Variants in TANGO2 observed in about 807,000 individuals in gnomAD.
The protein encoded by TANGO2 is transport and golgi organization 2 homolog.
A neutral mutation model predicts 39.1 loss-of-function variants in TANGO2; 26 were observed. The observed-to-expected ratio is 0.67, with a 90% confidence interval of 0.49 to 0.92. The LOEUF (loss-of-function observed/expected upper bound fraction) is 0.92. Among genes scored for constraint, TANGO2 ranks in the 40% least tolerant of loss-of-function variants. The pLI, the probability that TANGO2 is intolerant of heterozygous loss-of-function variation, is 0.00. For missense variants in TANGO2, 326 were observed against 360.1 expected, an observed-to-expected ratio of 0.91 and a Z score of 0.77; for synonymous variants, 131 against 144.5, an observed-to-expected ratio of 0.91 and a Z score of 0.67.
chr22:20,025,891 A>C (rs1418163093), intron 1 of TANGO2, among the ~76,000 whole-genome samples: 1 of 152,176 alleles, frequency 6.6e-6, no homozygotes, highest in Non-Finnish European at 1.5e-5. Flanking sequence ...GACACCTGAG[A>C]ATGCATTGAA....
chr22:20,044,238 G>A (rs549238182), intron 3 of TANGO2, among the ~76,000 whole-genome samples: 45 of 152,328 alleles, frequency 3.0e-4, no homozygotes, highest in African/African-American at 9.4e-4. Context: ...CTCCCAGGCC[G>A]GGAGGGCAGG....
chr22:20,061,845 A>G, intron 7 of TANGO2, 162 bp downstream of exon 7: 1 of 926,962 alleles, frequency 1.1e-6, no homozygotes, highest in East Asian at 2.8e-5. Flanking sequence ...TGTCCCCTTG[A>G]GCCAGCTGAG....
chr22:20,021,072 A>C (rs2146594886), upstream of TANGO2: 1 of 152,544 alleles, frequency 6.6e-6, no homozygotes, highest in East Asian at 1.9e-4. Flanking sequence ...GCTGGGCGGT[A>C]CTGGGCTGGC....
At chr22:20,025,424 G>A (rs2040544456) in intron 1 of TANGO2, among the ~76,000 whole-genome samples, 2 of 151,914 alleles carry the variant, frequency 1.3e-5, no homozygotes, top group African/African-American at 4.8e-5. Flanking sequence ...AGACATTACT[G>A]TTCCCCGCCG....
intron 3 of TANGO2, among the ~76,000 whole-genome samples, chr22:20,044,991 G>A (rs971852450): frequency 6.6e-6 from 1 of 152,238 alleles, no homozygotes; most frequent in East Asian, 1.9e-4. Context: ...GGATGTACAC[G>A]GGCTTCTGCC....
At chr22:20,058,220 C>T (rs575489069) in intron 6 of TANGO2, 1 of 152,430 alleles carries the variant, frequency 6.6e-6, no homozygotes, top group South Asian at 2.1e-4. Flanking sequence ...TTCCCCGTCT[C>T]TTCAGCGCCT....
chr22:20,023,438 A>G (rs1242600924), intron 1 of TANGO2, among the ~76,000 whole-genome samples: 1 of 152,230 alleles, frequency 6.6e-6, no homozygotes, highest in African/African-American at 2.4e-5. Context: ...CTGTCTGCTC[A>G]CGATGCCTCT....
At chr22:20,055,769 A>G (rs956944475) in intron 5 of TANGO2, 174 bp from the exon 6 acceptor site, 3 of 638,220 alleles carry the variant, frequency 4.7e-6, no homozygotes, top group Non-Finnish European at 8.5e-6. Flanking sequence ...TGGGGCCTCC[A>G]TGACCCCGCC....
At chr22:20,062,195 C>T (rs565664172) in intron 7 of TANGO2, among the ~76,000 whole-genome samples, 10 of 152,190 alleles carry the variant, frequency 6.6e-5, no homozygotes, top group Non-Finnish European at 1.2e-4. Context: ...AGCTCCCACC[C>T]ACTTCCTTGC....
intron 2 of TANGO2, among the ~76,000 whole-genome samples, chr22:20,041,945 GC>G (rs2044031456): frequency 6.6e-6 from 1 of 152,014 alleles, no homozygotes; most frequent in Non-Finnish European, 1.5e-5. Context: ...CCTTGGAGCT[GC>G]CTCTCCGGCA....
chr22:20,024,396 T>C (rs949103383), intron 1 of TANGO2, among the ~76,000 whole-genome samples: 2 of 152,214 alleles, frequency 1.3e-5, no homozygotes, highest in African/African-American at 4.8e-5. Context: ...CACGTGTGTT[T>C]ACCTCCTCTG....
At chr22:20,053,664 G>T in intron 5 of TANGO2, 113 bp downstream of exon 5, 2 of 728,664 alleles carry the variant, frequency 2.7e-6, no homozygotes, top group South Asian at 1.5e-5. Flanking sequence ...CTCCAGGGAC[G>T]TTGCTCCTCG....
chr22:20,031,655 C>T (rs9606219), intron 1 of TANGO2, among the ~76,000 whole-genome samples: 58,622 of 152,158 alleles, frequency 0.39, 13,521 homozygotes, highest in Non-Finnish European at 0.5. Context: ...AGTAGGACCA[C>T]ATGTGAACAC....
chr22:20,049,364 T>G (rs1266044539), intron 3 of TANGO2, among the ~76,000 whole-genome samples: 1 of 152,160 alleles, frequency 6.6e-6, no homozygotes, highest in Non-Finnish European at 1.5e-5. Context: ...TGCTTTTTAG[T>G]AAGTCTTGAA....
intron 5 of TANGO2, 22 bp downstream of exon 5, chr22:20,053,573 G>T: frequency 6.6e-7 from 1 of 1,520,780 alleles, no homozygotes; most frequent in South Asian, 1.1e-5. Context: ...AGAGGGGGAT[G>T]GCGGCTCTGC....
At chr22:20,040,328 C>A (rs1252291725) in intron 2 of TANGO2, among the ~76,000 whole-genome samples, 2 of 152,198 alleles carry the variant, frequency 1.3e-5, no homozygotes, top group Non-Finnish European at 2.9e-5. Flanking sequence ...GCTCAGTCAG[C>A]TTTTCTTCCT....
Position 20,066,757 on chromosome 22 carries a change from C to T in TANGO2, c.*2095C>T, listed in dbSNP as rs770258582. 1.3e-5 allele frequency among the ~76,000 whole-genome samples: 2 copies of T among 152,154 alleles called. No individual in the cohort carries two copies. Among genetic ancestry groups the T allele is most frequent in the African/African-American group, 2.4e-5 (1 of 41,424 alleles). On this transcript the variant is annotated 3_prime_UTR_variant, in exon 9 of 9. Coordinates refer to ENST00000327374, the MANE Select transcript of TANGO2 (RefSeq NM_152906.7). ...CCCCAGTGGCTACCATGTCCTGTGC[C>T]GGTGACCAGTGCCAGTCCCCAACCT...
intron 2 of TANGO2, chr22:20,037,075 G>T: frequency 6.5e-7 from 1 of 1,530,802 alleles, no homozygotes. Context: ...TGAAGACTCA[G>T]CCACAGAAGG....
At chr22:20,027,371 C>T (rs757511803) in intron 1 of TANGO2, among the ~76,000 whole-genome samples, 23 of 152,156 alleles carry the variant, frequency 1.5e-4, no homozygotes, top group Admixed American at 5.9e-4. Flanking sequence ...TAGGGATGGT[C>T]GCTTGATGGG....
Sources: allele counts gnomAD v4.1 joint callset (sites outside exome capture counted in the v4.1 genomes callset), GRCh38; gene constraint gnomAD v4.1.1; transcripts MANE v1.5; gene names NCBI Gene and HGNC (gene_info 2026-07-23, HGNC 2026-07-21).